The following MAP4K5 variants were observed in gnomAD, a reference collection of about 807,000 sequenced individuals.
The protein encoded by MAP4K5 is mitogen-activated protein kinase kinase kinase kinase 5.
A neutral mutation model predicts 135.6 loss-of-function variants in MAP4K5; 82 were observed. That is an observed-to-expected ratio of 0.60 (90% CI 0.51 to 0.73). The LOEUF is 0.73. Among genes scored for constraint, MAP4K5 ranks in the 30% least tolerant of loss-of-function variants. The pLI is 0.00. For synonymous variants in MAP4K5, 347 were observed against 335.0 expected, an observed-to-expected ratio of 1.04 and a Z score of -0.39; for missense variants, 907 against 1,010.9, an observed-to-expected ratio of 0.90 and a Z score of 1.39.
At chr14:50,516,046 CTTTA>C (rs1409722870) in intron 2 of MAP4K5, among the ~76,000 whole-genome samples, 1 of 152,200 alleles carries the variant, frequency 6.6e-6, no homozygotes, top group Non-Finnish European at 1.5e-5. Context: ...CCAGGTCATT[CTTTA>C]TTTCTTTCCT....
chr14:50,549,373 A>G (rs2038674204), intron 1 of MAP4K5, among the ~76,000 whole-genome samples: 1 of 152,162 alleles, frequency 6.6e-6, no homozygotes, highest in Admixed American at 6.5e-5. Context: ...GCTGTTCAGA[A>G]CTGTGAGACC....
intron 14 of MAP4K5, among the ~76,000 whole-genome samples, chr14:50,450,841 A>T (rs887104265): frequency 6.6e-6 from 1 of 152,208 alleles, no homozygotes; most frequent in Non-Finnish European, 1.5e-5. Flanking sequence ...GAAAGAGGAT[A>T]AAATCCAGAT....
chr14:50,431,168 T>C (rs1054547020), intron 28 of MAP4K5, among the ~76,000 whole-genome samples: 9 of 152,240 alleles, frequency 5.9e-5, no homozygotes, highest in African/African-American at 2.2e-4. Flanking sequence ...TCACATACTT[T>C]CATGTTTATA....
chr14:50,424,978 A>C (rs1288832735), intron 31 of MAP4K5, among the ~76,000 whole-genome samples: 1 of 152,194 alleles, frequency 6.6e-6, no homozygotes, highest in African/African-American at 2.4e-5. Context: ...TCCTCCTGGA[A>C]GCATTCTAAT....
At chr14:50,452,211 A>G (rs1266336355) in intron 14 of MAP4K5, among the ~76,000 whole-genome samples, 1 of 152,056 alleles carries the variant, frequency 6.6e-6, no homozygotes, top group African/African-American at 2.4e-5. Context: ...TTAGGATGTA[A>G]CCCCATCATA....
chr14:50,492,310 T>C (rs1286821196), intron 3 of MAP4K5, among the ~76,000 whole-genome samples: 1 of 151,970 alleles, frequency 6.6e-6, no homozygotes, highest in Non-Finnish European at 1.5e-5. Flanking sequence ...TTTCAAAATT[T>C]TGGCTGGGTG....
intron 1 of MAP4K5, among the ~76,000 whole-genome samples, chr14:50,551,402 A>T (rs558522610): frequency 2.0e-5 from 3 of 152,222 alleles, no homozygotes; most frequent in Admixed American, 6.5e-5. Flanking sequence ...CCAAAAAAAA[A>T]ATTTCAGGAT....
intron 5 of MAP4K5, 193 bp from the exon 6 acceptor site, chr14:50,482,609 T>G (rs1055557683): frequency 4.9e-6 from 2 of 407,248 alleles, no homozygotes; most frequent in African/African-American, 4.3e-5. Flanking sequence ...AAACCCCGTC[T>G]CTACTAAAAA....
chr14:50,527,841 TAAATAAATAA>T (rs1220980840), intron 2 of MAP4K5, among the ~76,000 whole-genome samples: 5 of 15,550 alleles, frequency 3.2e-4, no homozygotes, highest in African/African-American at 5.9e-4. Context: ...TAATAATAAA[TAAATAAATAA>T]AAATAAAAAT....
chr14:50,528,705 G>A (rs2038320792), intron 2 of MAP4K5, among the ~76,000 whole-genome samples: 2 of 152,076 alleles, frequency 1.3e-5, no homozygotes, highest in African/African-American at 4.8e-5. Context: ...TAAAGCACAA[G>A]ACCATCTCTC....
chr14:50,527,582 A>G (rs2038294495), intron 2 of MAP4K5, among the ~76,000 whole-genome samples: 1 of 152,158 alleles, frequency 6.6e-6, no homozygotes, highest in African/African-American at 2.4e-5. Context: ...CCTGAAATAA[A>G]CTGTATTAAA....
chr14:50,456,369 C>A (rs1301724241), intron 14 of MAP4K5, 147 bp downstream of exon 14: 7 of 628,886 alleles, frequency 1.1e-5, no homozygotes, highest in East Asian at 9.0e-5. Context: ...TCCATCGAAA[C>A]CAGAAAAGCA....
At position 50,419,842 on chromosome 14, in the gene MAP4K5, T is replaced by G. The variant is rs1184656452; in HGVS notation, c.*177A>C. The G allele has an allele frequency of 1.8e-6, 1 of 564,630 alleles. No homozygotes were observed. The highest frequency in any genetic ancestry group is 3.2e-6 in the Non-Finnish European group (1 of 315,614). The allele number at this position is 564,630 out of a possible 1,614,324, so 35.0% of individuals were successfully genotyped here. A position where few individuals can be genotyped will look rare whatever the true frequency, so the allele number is the denominator to read the frequency against. On this transcript the variant is annotated 3_prime_UTR_variant, in exon 33 of 33. Coordinates refer to ENST00000682126, the MANE Select transcript of MAP4K5 (RefSeq NM_006575.6). The stretch of plus-strand genomic sequence containing the variant: ...ATAACCACCACACAGTGGCAAGAGA[T>G]AGACTAGCTGTTTCCAGCTGCAGAA...
chr14:50,439,667 T>C (rs1271142175), intron 23 of MAP4K5, among the ~76,000 whole-genome samples: 1 of 152,176 alleles, frequency 6.6e-6, no homozygotes, highest in Non-Finnish European at 1.5e-5. Context: ...AAGAAAATAG[T>C]GTGATCCTCT....
chr14:50,463,032 G>A (rs1258269195), intron 12 of MAP4K5, among the ~76,000 whole-genome samples: 1 of 152,026 alleles, frequency 6.6e-6, no homozygotes, highest in Non-Finnish European at 1.5e-5. Context: ...TCCATATTAA[G>A]TTCTAAAATT....
chr14:50,492,839 T>C (rs1424490818), intron 3 of MAP4K5, among the ~76,000 whole-genome samples: 1 of 152,038 alleles, frequency 6.6e-6, no homozygotes, highest in Admixed American at 6.5e-5. Flanking sequence ...CACATTAATA[T>C]ACTTATCTTA....
At chr14:50,555,128 A>G (rs1444816200) in intron 1 of MAP4K5, among the ~76,000 whole-genome samples, 1 of 152,198 alleles carries the variant, frequency 6.6e-6, no homozygotes, top group Non-Finnish European at 1.5e-5. Flanking sequence ...GGATATATTC[A>G]CTTCTTCCCT....
intron 3 of MAP4K5, 107 bp downstream of exon 3, chr14:50,504,693 T>C: frequency 1.3e-6 from 1 of 769,348 alleles, no homozygotes; most frequent in Non-Finnish European, 2.1e-6. Context: ...ATTGAAGATA[T>C]TCTACTGACC....
rs1478209662 is a variant in MAP4K5, at chr14:50,444,003, T to G, written c.1373A>C (p.Glu458Ala). The change falls in exon 19 of 33, where the codon GAA becomes GCA. Residue 458 changes from glutamate (E) to alanine (A), a missense_variant. This residue lies in a region of MAP4K5 where 690 missense variants were observed against 777.4 expected (regional missense o/e 0.89). Transcript: ENST00000682126. ...TGCTTGTGCTGATCCTTCTGTATTTTCACTCATCAGTTTTGAAATACCATC... is the reference window on the plus strand; with the variant it reads ...TGCTTGTGCTGATCCTTCTGTATTTGCACTCATCAGTTTTGAAATACCATC... Reference protein sequence around the residue: ...NGDGISKLMSENTEGSAQAPQ... With the variant: ...NGDGISKLMSANTEGSAQAPQ... The G allele has an allele frequency of 6.2e-7, 1 of 1,606,958 alleles. No individual in the cohort carries two copies. Among genetic ancestry groups the G allele is most frequent in the Non-Finnish European group, 8.5e-7 (1 of 1,176,254 alleles).
Sources: gnomAD v4.1 joint callset for allele counts (sites outside exome capture counted in the v4.1 genomes callset) on GRCh38, gnomAD v4.1.1 for gene constraint, gnomAD v4.1.1 regional missense constraint, MANE v1.5 for transcripts, NCBI Gene and HGNC (gene_info 2026-07-23, HGNC 2026-07-21) for gene names.